The following QTRT2 variants were observed in gnomAD, a reference collection of about 807,000 sequenced individuals.
QTRT2 encodes queuine tRNA-ribosyltransferase domain containing 1.
In QTRT2, 32 loss-of-function variants were observed where a neutral mutation model predicts 44.8. The observed-to-expected ratio is 0.71, with a 90% CI of 0.54 to 0.96. The LOEUF is 0.96. Among genes scored for constraint, QTRT2 ranks in the 40% least tolerant of loss-of-function variants. The pLI, the probability that QTRT2 is intolerant of heterozygous loss-of-function variation, is 0.00. For synonymous variants in QTRT2, 182 were observed against 187.4 expected, an observed-to-expected ratio of 0.97 and a Z score of 0.24; for missense variants, 461 against 503.1, an observed-to-expected ratio of 0.92 and a Z score of 0.80.
rs757930067 is a variant in QTRT2 at position 114,068,001 on chromosome 3, C to T, written c.271C>T (p.Leu91Phe). ...TGTTTATACAGGCATGCCAGAATCA[C>T]TCTTGTACTGCTCCCTGCACGATCC... ...VGKFIGMPES[L>F]LYCSLHDPVS... The change falls in exon 5 of 10, where the codon CTC (leucine) becomes TTC (phenylalanine). Residue 91 changes from leucine (L) to phenylalanine (F), a missense_variant. Leu to Phe is a conservative substitution (Grantham distance 22). Transcript: ENST00000281273. 6.2e-7 allele frequency: 1 copy of T among 1,613,788 alleles called. No individual in the cohort carries two copies. The highest frequency in any genetic ancestry group is 8.5e-7 in the Non-Finnish European group (1 of 1,179,790).
At chr3:114,076,138 T>C (rs11715834) in intron 6 of QTRT2, among the ~76,000 whole-genome samples, 17,080 of 152,192 alleles carry the variant, frequency 0.11, 1,146 homozygotes, top group Admixed American at 0.18. Context: ...GTCCTTTTCC[T>C]CTTGAACCTG....
chr3:114,085,101 C>A (rs956446760), intron 9 of QTRT2, among the ~76,000 whole-genome samples: 5 of 152,116 alleles, frequency 3.3e-5, no homozygotes, highest in Non-Finnish European at 5.9e-5. Flanking sequence ...CATGAGTGAG[C>A]GACCACATGA....
intron 2 of QTRT2, among the ~76,000 whole-genome samples, chr3:114,058,973 T>C (rs1444980070): frequency 6.6e-6 from 1 of 152,264 alleles, no homozygotes; most frequent in Non-Finnish European, 1.5e-5. Context: ...GATGCTGATG[T>C]GTACTTATAT....
intron 5 of QTRT2, among the ~76,000 whole-genome samples, chr3:114,068,551 T>C (rs1483455140): frequency 3.3e-5 from 5 of 152,196 alleles, no homozygotes; most frequent in African/African-American, 1.2e-4. Flanking sequence ...AGTGTTAGGC[T>C]GAGAGGTGGC....
intron 2 of QTRT2, among the ~76,000 whole-genome samples, chr3:114,061,388 G>A (rs917578764): frequency 3.3e-5 from 5 of 152,082 alleles, no homozygotes; most frequent in African/African-American, 1.2e-4. Flanking sequence ...AAAAGATCAG[G>A]CTCAGCTTAC....
Position 114,067,974 on chromosome 3 carries a change from T to A in QTRT2, c.257-13T>A, listed in dbSNP as rs761175135. 1 of 1,613,188 alleles carries A rather than the reference T, an allele frequency of 6.2e-7. No individual in the cohort carries two copies. Among genetic ancestry groups the A allele is most frequent in the Non-Finnish European group, 8.5e-7 (1 of 1,179,284 alleles). On this transcript the variant is annotated splice_polypyrimidine_tract_variant and intron_variant, in intron 4 of 9. Coordinates refer to ENST00000281273, the MANE Select transcript of QTRT2 (RefSeq NM_024638.4). ...GTAAGCACTTTCAAGGGTTCTTTTTTGTGTTTATACAGGCATGCCAGAATC... is the reference window on the plus strand; with the variant it reads ...GTAAGCACTTTCAAGGGTTCTTTTTAGTGTTTATACAGGCATGCCAGAATC...
At chr3:114,082,449 T>G (rs1325487919) in intron 8 of QTRT2, 2 of 288,404 alleles carry the variant, frequency 6.9e-6, no homozygotes, top group Non-Finnish European at 1.3e-5. Context: ...TATAATTTGC[T>G]TAGATATTAT....
intron 4 of QTRT2, 36 bp from the exon 5 acceptor site, chr3:114,067,951 A>C: frequency 6.3e-7 from 1 of 1,583,574 alleles, no homozygotes; most frequent in South Asian, 1.1e-5. Flanking sequence ...TTGTTGATGT[A>C]AGCACTTTCA....
At chr3:114,085,159 G>T (rs1410363279) in intron 9 of QTRT2, among the ~76,000 whole-genome samples, 2 of 152,134 alleles carry the variant, frequency 1.3e-5, no homozygotes, top group African/African-American at 4.8e-5. Context: ...GTTTGCATCA[G>T]TCAGAGAAAA....
At chr3:114,062,586 A>T (rs986666683) in intron 2 of QTRT2, among the ~76,000 whole-genome samples, 2 of 152,110 alleles carry the variant, frequency 1.3e-5, no homozygotes, top group Non-Finnish European at 2.9e-5. Flanking sequence ...TCTAATGGTA[A>T]TTATACAATA....
At chr3:114,067,410 T>A (rs2076968494) in intron 4 of QTRT2, among the ~76,000 whole-genome samples, 1 of 152,216 alleles carries the variant, frequency 6.6e-6, no homozygotes, top group African/African-American at 2.4e-5. Flanking sequence ...CATGGTTTAC[T>A]AAACTTTTTT....
At chr3:114,072,816 G>C (rs1167248031) in intron 6 of QTRT2, among the ~76,000 whole-genome samples, 5 of 152,186 alleles carry the variant, frequency 3.3e-5, no homozygotes, top group Non-Finnish European at 7.3e-5. Context: ...TTATGATGGG[G>C]TGAAGATGAA....
At chr3:114,079,494 C>CAT in intron 7 of QTRT2, 1 of 161,158 alleles carries the variant, frequency 6.2e-6, no homozygotes, top group Non-Finnish European at 1.3e-5. Context: ...GTCGAGTTTG[C>CAT]GCCATTGCAC....
chr3:114,066,570 G>A (rs997758920), intron 4 of QTRT2: 4 of 363,134 alleles, frequency 1.1e-5, no homozygotes, highest in Non-Finnish European at 2.1e-5. Context: ...ACAGGCCAGA[G>A]GGCAGAGCAT....
rs1216649868 is a variant in QTRT2 at position 114,088,351 on chromosome 3, T to G, written c.*2447T>G. On this transcript the variant is annotated 3_prime_UTR_variant, in exon 10 of 10. Coordinates refer to ENST00000281273, the MANE Select transcript of QTRT2 (RefSeq NM_024638.4). ...ATAAAACATTTTTAATTTTAAAAAT[T>G]TACTGTGTTTGGCTTTCTGTAAATG... The G allele has an allele frequency of 6.6e-6, 1 of 152,300 alleles. No homozygotes were observed. Among genetic ancestry groups the G allele is most frequent in the South Asian group, 2.1e-4 (1 of 4,820 alleles). The allele number at this position is 152,300 out of a possible 1,614,324, so 9.4% of individuals were successfully genotyped here. A position where few individuals can be genotyped will look rare whatever the true frequency, so the allele number is the denominator to read the frequency against.
chr3:114,078,932 A>T (rs887850050), intron 7 of QTRT2: 1 of 152,196 alleles, frequency 6.6e-6, no homozygotes, highest in Non-Finnish European at 1.5e-5. Context: ...AGCCAACTAG[A>T]TTCTTAGATC....
intron 6 of QTRT2, among the ~76,000 whole-genome samples, chr3:114,074,130 C>T (rs1455670023): frequency 6.6e-6 from 1 of 152,168 alleles, no homozygotes; most frequent in Non-Finnish European, 1.5e-5. Context: ...TAGCATCATG[C>T]CAAGTGTCTG....
Position 114,076,904 on chromosome 3 carries a change from G to C in QTRT2, c.708G>C (p.Leu236=). 1 of 1,614,180 alleles carries C rather than the reference G, an allele frequency of 6.2e-7. No homozygotes were observed. Among genetic ancestry groups the C allele is most frequent in the East Asian group, 2.2e-5 (1 of 44,886 alleles). Residue 236 remains leucine, a synonymous_variant, in exon 7 of 10, where the codon CTG becomes CTC. Transcript: ENST00000281273. ...CCCTGGAGGCTAGACTACGCTTGCT[G>C]TCATCAGTCACTGCAGAGCTGCCGG... The part of the protein sequence containing the change: ...PTTLEARLRL[L]SSVTAELPED...
chr3:114,070,605 C>T (rs566675272), intron 5 of QTRT2, 21 bp from the exon 6 acceptor site: 7 of 1,599,616 alleles, frequency 4.4e-6, no homozygotes, highest in Non-Finnish European at 6.0e-6. Context: ...GCTAATTCCT[C>T]ATCATTTTGC....
Sources: allele counts gnomAD v4.1 joint callset (sites outside exome capture counted in the v4.1 genomes callset), GRCh38; gene constraint gnomAD v4.1.1; transcripts MANE v1.5; gene names NCBI Gene and HGNC (gene_info 2026-07-23, HGNC 2026-07-21).